UHRF2: variants seen among roughly 807,000 people sequenced by gnomAD.
UHRF2 encodes the protein ubiquitin like with PHD and ring finger domains 2.
Under a neutral mutation model 96.8 loss-of-function variants are expected in UHRF2, and 23 were observed. That is an observed-to-expected ratio of 0.24 (90% CI 0.17 to 0.34). The LOEUF is 0.34. Among genes scored for constraint, UHRF2 ranks in the 10% least tolerant of loss-of-function variants. UHRF2 has a pLI of 1.00. For missense variants in UHRF2, 685 were observed against 981.5 expected (o/e 0.70, Z 4.04); for synonymous variants, 385 against 332.6 (o/e 1.16, Z -1.72).
chr9:6,459,284 C>T (rs536661219), intron 3 of UHRF2, among the ~76,000 whole-genome samples: 1 of 152,210 alleles, frequency 6.6e-6, no homozygotes, highest in East Asian at 1.9e-4. Flanking sequence ...CGGAATATGC[C>T]AGGTTCATGT....
At chr9:6,469,176 A>T (rs1315477437) in intron 4 of UHRF2, among the ~76,000 whole-genome samples, 5 of 152,176 alleles carry the variant, frequency 3.3e-5, no homozygotes, top group African/African-American at 1.2e-4. Flanking sequence ...TTATATGGAG[A>T]TTCTAGAACT....
At chr9:6,504,780 C>A in intron 15 of UHRF2, 89 bp downstream of exon 15, 1 of 1,028,920 alleles carries the variant, frequency 9.7e-7, no homozygotes, top group Non-Finnish European at 1.4e-6. Context: ...GAAGCATTTT[C>A]CGTGAAGCGG....
intron 3 of UHRF2, among the ~76,000 whole-genome samples, chr9:6,441,334 A>G (rs975497074): frequency 3.9e-5 from 6 of 151,908 alleles, no homozygotes; most frequent in South Asian, 2.1e-4. Context: ...AGATTGTGCC[A>G]TTGTACTCCA....
At chr9:6,470,331 C>G (rs537230254) in intron 4 of UHRF2, among the ~76,000 whole-genome samples, 2 of 150,912 alleles carry the variant, frequency 1.3e-5, no homozygotes, top group African/African-American at 4.9e-5. Flanking sequence ...TGAGATCGTG[C>G]CTAGGTGACA....
Position 6,413,562 on chromosome 9 carries a change from G to T in UHRF2, c.72G>T (p.Thr24=), listed in dbSNP as rs758153587. 1.2e-6 allele frequency: 2 copies of T among 1,601,870 alleles called. No homozygotes were observed. The highest frequency in any genetic ancestry group is 2.3e-5 in the East Asian group (1 of 43,518). ...CTIEDVSRKA[T]IEELRERVWA... is the part of the protein sequence containing the mutation. Reference sequence around the variant, plus strand: ...TTGAGGACGTGTCTCGCAAAGCCACGATTGAGGAGCTGCGCGAGCGGGTGT... The same window carrying T: ...TTGAGGACGTGTCTCGCAAAGCCACTATTGAGGAGCTGCGCGAGCGGGTGT... Residue 24 remains threonine (T), a synonymous_variant, in exon 1 of 16, where the codon ACG becomes ACT. Coordinates refer to ENST00000276893, the MANE Select transcript of UHRF2 (RefSeq NM_152896.3).
chr9:6,434,229 G>A, intron 3 of UHRF2, 56 bp downstream of exon 3: 1 of 1,521,894 alleles, frequency 6.6e-7, no homozygotes. Context: ...AGAAACCAAA[G>A]CCTTCTATTT....
At chr9:6,456,333 C>A (rs1448574462) in intron 3 of UHRF2, among the ~76,000 whole-genome samples, 2 of 152,032 alleles carry the variant, frequency 1.3e-5, no homozygotes, top group East Asian at 3.9e-4. Flanking sequence ...ATAAATGTCT[C>A]CTTTTGAGAA....
intron 3 of UHRF2, among the ~76,000 whole-genome samples, chr9:6,442,902 C>T (rs1029676966): frequency 6.6e-5 from 10 of 152,114 alleles, no homozygotes; most frequent in South Asian, 2.1e-4. Context: ...CATGTACTGT[C>T]GGTCAGTCTT....
intron 1 of UHRF2, among the ~76,000 whole-genome samples, chr9:6,414,642 G>A (rs1263938284): frequency 6.6e-6 from 1 of 152,186 alleles, no homozygotes; most frequent in East Asian, 1.9e-4. Flanking sequence ...ACCACAGTTT[G>A]GCTCCAATCC....
chr9:6,421,080 T>C lies in UHRF2; in HGVS notation c.322T>C (p.Ser108Pro). 2 of 1,614,144 alleles carry C rather than the reference T, an allele frequency of 1.2e-6. No homozygotes were observed. The highest frequency in any genetic ancestry group is 1.7e-6 in the Non-Finnish European group (2 of 1,180,042). ...KVKKAPRVGP[S>P]NQPSTSARAR... ...AAAGAAAGCTCCGAGGGTAGGACCT[T>C]CCAATCAGCCATCTACATCAGCTCG... The change falls in exon 2 of 16, where the codon TCC (serine) becomes CCC (proline). Residue 108 changes from serine (S) to proline (P), a missense_variant. Transcript: ENST00000276893.
intron 4 of UHRF2, among the ~76,000 whole-genome samples, chr9:6,464,563 G>T (rs1157705393): frequency 4.6e-5 from 7 of 151,822 alleles, no homozygotes; most frequent in Non-Finnish European, 1.0e-4. Context: ...GTCTTTAATT[G>T]ACTTGGAGTA....
Position 6,506,349 on chromosome 9 carries a change from C to T in UHRF2, c.*170C>T, listed in dbSNP as rs1816582564. 1 of 791,338 alleles carries T rather than the reference C, an allele frequency of 1.3e-6. No individual in the cohort carries two copies. The highest frequency in any genetic ancestry group is 3.9e-4 in the Middle Eastern group (1 of 2,566). The allele number at this position is 791,338 out of a possible 1,614,324, so 49.0% of individuals were successfully genotyped here. On this transcript the variant is annotated 3_prime_UTR_variant, in exon 16 of 16. Coordinates refer to ENST00000276893, the MANE Select transcript of UHRF2 (RefSeq NM_152896.3). ...TGTGTGTAGTAAGAGGCCCATTTCT[C>T]AACTGTCTTTTAAATATCTAAAGGT...
chr9:6,489,907 G>T (rs920955733), intron 9 of UHRF2, among the ~76,000 whole-genome samples: 1 of 152,022 alleles, frequency 6.6e-6, no homozygotes, highest in Non-Finnish European at 1.5e-5. Flanking sequence ...ATTTGGCAGT[G>T]CATTTACATT....
At chr9:6,427,218 T>TA (rs746282129) in intron 2 of UHRF2, among the ~76,000 whole-genome samples, 14 of 152,224 alleles carry the variant, frequency 9.2e-5, no homozygotes, top group Non-Finnish European at 1.6e-4. Context: ...TATTTTTTTT[T>TA]ATACATGTAG....
rs750536802 is a variant in UHRF2 at position 6,434,092 on chromosome 9, A to T, written c.563A>T (p.Lys188Ile). ...CATAAATCCAAAGAGAACACAAATA[A>T]ATTGGACAGTGTACCCTCTACGTCT... Reference protein sequence around the residue: ...IKHKSKENTNKLDSVPSTSNS... With the variant: ...IKHKSKENTNILDSVPSTSNS... Residue 188 changes from lysine to isoleucine, a missense_variant, in exon 3 of 16, where the codon AAA (lysine) becomes ATA (isoleucine). By Grantham distance (102) the Lys-to-Ile change is moderately radical (BLOSUM62 -3). Around this residue, in one of 6 missense-constraint regions of UHRF2, gnomAD observed 391 missense variants for 437.0 expected, o/e 0.89. Coordinates refer to ENST00000276893, the MANE Select transcript of UHRF2 (RefSeq NM_152896.3). The T allele has an allele frequency of 6.2e-7, 1 of 1,614,092 alleles. No individual in the cohort carries two copies. The highest frequency in any genetic ancestry group is 1.1e-5 in the South Asian group (1 of 91,084).
intron 10 of UHRF2, chr9:6,496,427 C>T (rs997126514): frequency 5.3e-5 from 8 of 152,194 alleles, no homozygotes; most frequent in Non-Finnish European, 1.0e-4. Flanking sequence ...GGTCTTCTAA[C>T]ATCTAATAAG....
intron 7 of UHRF2, 83 bp from the exon 8 acceptor site, chr9:6,481,909 G>A: frequency 6.4e-7 from 1 of 1,553,978 alleles, no homozygotes; most frequent in Non-Finnish European, 8.8e-7. Flanking sequence ...AAACAGTTGG[G>A]TTCCTAGTCA....
chr9:6,486,442 A>G, intron 8 of UHRF2, among the ~76,000 whole-genome samples: 1 of 152,232 alleles, frequency 6.6e-6, no homozygotes, highest in East Asian at 1.9e-4. Context: ...ACTATCCAAG[A>G]CTAGAAATAA....
intron 4 of UHRF2, among the ~76,000 whole-genome samples, chr9:6,475,071 A>C (rs1823483358): frequency 6.6e-6 from 1 of 152,214 alleles, no homozygotes. Context: ...GCACAGATTT[A>C]ACAGGAAGTT....
Sources: allele counts gnomAD v4.1 joint callset (sites outside exome capture counted in the v4.1 genomes callset), GRCh38; gene constraint gnomAD v4.1.1; regional missense constraint gnomAD v4.1.1; transcripts MANE v1.5; gene names NCBI Gene and HGNC (gene_info 2026-07-23, HGNC 2026-07-21).